Variants in ZNF521 observed in about 807,000 individuals in gnomAD.
The protein encoded by ZNF521 is zinc finger protein 521, also known as LYST-interacting protein 3.
In ZNF521, 14 loss-of-function variants were observed where a neutral mutation model predicts 105.5. That is an observed-to-expected ratio of 0.13 (90% confidence interval 0.09 to 0.21). ZNF521 has a LOEUF of 0.21. Among genes scored for constraint, ZNF521 ranks in the 10% least tolerant of loss-of-function variants. ZNF521 has a pLI of 1.00. For synonymous variants in ZNF521, 635 were observed against 606.0 expected (o/e 1.05, Z -0.70); for missense variants, 1,233 against 1,629.7 (o/e 0.76, Z 4.19).
intron 3 of ZNF521, among the ~76,000 whole-genome samples, chr18:25,311,362 A>T (rs148321334): frequency 1.5e-3 from 218 of 150,172 alleles, no homozygotes; most frequent in Middle Eastern, 6.8e-3. Flanking sequence ...CATGAAAAAC[A>T]ACATGAGTCA....
intron 3 of ZNF521, among the ~76,000 whole-genome samples, chr18:25,307,095 C>T (rs9958887): frequency 0.12 from 18,433 of 152,154 alleles, 2,595 homozygotes; most frequent in African/African-American, 0.33. Context: ...ATCTGAATGA[C>T]TTTACCTCCT....
rs574963360 is a variant in ZNF521 at position 25,329,698 on chromosome 18, T to C, written c.41-7511A>G. ...CACGAAGGAACTCCTGTGAGTGTAA[T>C]GTCCAGATGTTAACCTCACTGCTAT... On this transcript the variant is annotated intron_variant, in intron 2 of 7. Coordinates refer to ENST00000361524, the MANE Select transcript of ZNF521 (RefSeq NM_015461.3). 2.6e-3 allele frequency among the ~76,000 whole-genome samples: 396 copies of C among 152,278 alleles called. 5 individuals carry two copies. Among genetic ancestry groups the C allele is most frequent in the African/African-American group, 9.3e-3 (387 of 41,532 alleles).
chr18:25,164,494 C>T (rs1000585048), intron 5 of ZNF521, among the ~76,000 whole-genome samples: 7 of 152,158 alleles, frequency 4.6e-5, no homozygotes, highest in African/African-American at 9.7e-5. Flanking sequence ...CATTTTTGCA[C>T]GGAAAGAAAC....
chr18:25,119,018 G>A (rs1262210739), intron 5 of ZNF521, among the ~76,000 whole-genome samples: 1 of 152,010 alleles, frequency 6.6e-6, no homozygotes, highest in African/African-American at 2.4e-5. Context: ...GAGATAAAAA[G>A]AGATATTTCA....
At chr18:25,275,481 C>T (rs1441255918) in intron 3 of ZNF521, among the ~76,000 whole-genome samples, 1 of 152,116 alleles carries the variant, frequency 6.6e-6, no homozygotes, top group Non-Finnish European at 1.5e-5. Context: ...CCCACTCATG[C>T]GGTAATAACA....
At chr18:25,171,354 C>A (rs2035445808) in intron 5 of ZNF521, among the ~76,000 whole-genome samples, 1 of 152,034 alleles carries the variant, frequency 6.6e-6, no homozygotes, top group South Asian at 2.1e-4. Flanking sequence ...CATTATGCCT[C>A]TATTTATTAA....
chr18:25,138,731 G>A (rs987049782), intron 5 of ZNF521, among the ~76,000 whole-genome samples: 1 of 152,104 alleles, frequency 6.6e-6, no homozygotes, highest in African/African-American at 2.4e-5. Flanking sequence ...TTCATTCAAT[G>A]CCCCGATTTA....
intron 3 of ZNF521, among the ~76,000 whole-genome samples, chr18:25,301,772 G>A (rs1239983452): frequency 1.3e-5 from 2 of 152,162 alleles, no homozygotes; most frequent in Non-Finnish European, 2.9e-5. Flanking sequence ...GGGTAAGGAG[G>A]GGATGTTTGC....
intron 3 of ZNF521, among the ~76,000 whole-genome samples, chr18:25,257,281 A>AT (rs968071399): frequency 2.6e-4 from 39 of 152,240 alleles, no homozygotes; most frequent in Middle Eastern, 3.4e-3. Flanking sequence ...ATTTCAATCT[A>AT]TTTTTTCAAT....
chr18:25,092,159 C>T, intron 5 of ZNF521, 78 bp from the exon 6 acceptor site: 3 of 1,526,324 alleles, frequency 2.0e-6, no homozygotes, highest in South Asian at 2.4e-5. Context: ...TCTTTAATTG[C>T]ATATATTAAA....
intron 4 of ZNF521, among the ~76,000 whole-genome samples, chr18:25,205,141 T>TAAAAAAAAAAAAAAAAAAAA (rs34563599): frequency 1.3e-5 from 1 of 74,934 alleles, no homozygotes; most frequent in African/African-American, 6.2e-5. Context: ...GTAGTGAAGG[T>TAAAAAAAAAAAAAAAAAAAA]AAAAAAAAAA....
intron 2 of ZNF521, among the ~76,000 whole-genome samples, chr18:25,340,872 T>A (rs1224253093): frequency 1.3e-5 from 2 of 150,434 alleles, no homozygotes; most frequent in Non-Finnish European, 3.0e-5. Flanking sequence ...AATCGGCAAG[T>A]ATAAAAAACA....
rs147783647 is a variant in ZNF521 at position 25,310,366 on chromosome 18, G to A, written c.220+11642C>T. The stretch of plus-strand genomic sequence containing the variant: ...GTCTACATTTTTAATTAGTCACCAG[G>A]GGGAGCTAATTCTGCTCTATAAGTA... On this transcript the variant is annotated intron_variant, in intron 3 of 7. Transcript: ENST00000361524. Among the ~76,000 whole-genome samples, 427 of 151,910 alleles carry A rather than the reference G, an allele frequency of 2.8e-3. 2 individuals are homozygous for A. Among genetic ancestry groups the A allele is most frequent in the South Asian group, 0.014 (65 of 4,788 alleles).
intron 5 of ZNF521, among the ~76,000 whole-genome samples, chr18:25,172,088 G>A (rs529284965): frequency 6.6e-6 from 1 of 152,260 alleles, no homozygotes; most frequent in South Asian, 2.1e-4. Context: ...ATTGAAAAGA[G>A]TATTAATTGC....
chr18:25,347,270 C>T (rs954427439), intron 2 of ZNF521, among the ~76,000 whole-genome samples: 1 of 152,134 alleles, frequency 6.6e-6, no homozygotes, highest in Non-Finnish European at 1.5e-5. Flanking sequence ...ATTTAATTGT[C>T]TGTCCATCCA....
intron 5 of ZNF521, among the ~76,000 whole-genome samples, chr18:25,131,748 T>G (rs573965896): frequency 6.6e-6 from 1 of 152,324 alleles, no homozygotes; most frequent in African/African-American, 2.4e-5. Context: ...CCACAACCTC[T>G]ATAGTAATAT....
chr18:25,278,314 C>A (rs945520410), intron 3 of ZNF521, among the ~76,000 whole-genome samples: 2 of 152,140 alleles, frequency 1.3e-5, no homozygotes, highest in Non-Finnish European at 2.9e-5. Flanking sequence ...TGCCTCAGCA[C>A]ATGACAAAGA....
intron 3 of ZNF521, among the ~76,000 whole-genome samples, chr18:25,309,830 C>A (rs1912195765): frequency 6.6e-6 from 1 of 152,048 alleles, no homozygotes; most frequent in African/African-American, 2.4e-5. Flanking sequence ...TAAAAATATA[C>A]ACTTTAAATA....
At chr18:25,093,664 AC>A (rs888716523) in intron 5 of ZNF521, among the ~76,000 whole-genome samples, 2 of 152,166 alleles carry the variant, frequency 1.3e-5, no homozygotes, top group African/African-American at 4.8e-5. Flanking sequence ...TAATTAAGCC[AC>A]CCAGTACTGT....
Sources: gnomAD v4.1 joint callset for allele counts (sites outside exome capture counted in the v4.1 genomes callset) on GRCh38, gnomAD v4.1.1 for gene constraint, MANE v1.5 for transcripts, NCBI Gene and HGNC (gene_info 2026-07-23, HGNC 2026-07-21) for gene names.